CDH18: variants seen among roughly 807,000 people sequenced by gnomAD.
CDH18 encodes the protein cadherin 18.
CDH18 carries 31 observed loss-of-function variants against 67.9 expected under a neutral mutation model. The ratio of observed to expected loss-of-function variants is 0.46; its 90% CI spans 0.34 to 0.62. CDH18 has a LOEUF of 0.62. Among genes scored for constraint, CDH18 ranks in the 20% least tolerant of loss-of-function variants. The probability of loss-of-function intolerance (pLI) is 0.01; values close to 1 mark genes in which losing one functional copy is unlikely to be tolerated. For synonymous variants in CDH18, 362 were observed against 347.2 expected (o/e 1.04, Z -0.48); for missense variants, 890 against 975.5 (o/e 0.91, Z 1.17).
chr5:20,244,863 A>G (rs1743256548), intron 2 of CDH18, among the ~76,000 whole-genome samples: 1 of 152,034 alleles, frequency 6.6e-6, no homozygotes, highest in South Asian at 2.1e-4. Context: ...AAATCAAGGA[A>G]AGAGAGAGAA....
intron 5 of CDH18, among the ~76,000 whole-genome samples, chr5:19,717,263 T>C: frequency 6.6e-6 from 1 of 152,086 alleles, no homozygotes; most frequent in East Asian, 1.9e-4. Flanking sequence ...TTAGATGCAC[T>C]AACAAAAATA....
chr5:20,512,910 G>A (rs1464810982), intron 1 of CDH18, among the ~76,000 whole-genome samples: 1 of 150,370 alleles, frequency 6.7e-6, no homozygotes, highest in African/African-American at 2.4e-5. Context: ...AATCGACTCA[G>A]CTCTGATGCT....
At chr5:19,827,825 A>G (rs1441621259) in intron 3 of CDH18, among the ~76,000 whole-genome samples, 3 of 152,192 alleles carry the variant, frequency 2.0e-5, no homozygotes, top group Non-Finnish European at 2.9e-5. Context: ...CCGAAATAAG[A>G]GCAAACCAAC....
At chr5:19,945,412 T>C (rs1795196120) in intron 2 of CDH18, among the ~76,000 whole-genome samples, 1 of 152,114 alleles carries the variant, frequency 6.6e-6, no homozygotes, top group African/African-American at 2.4e-5. Context: ...GTGAAATCAA[T>C]GACTTAAATA....
chr5:20,308,104 T>TA (rs397881942), intron 1 of CDH18, among the ~76,000 whole-genome samples: 6 of 147,592 alleles, frequency 4.1e-5, no homozygotes, highest in South Asian at 2.1e-4. Flanking sequence ...TTTTTTTTTT[T>TA]ACTGGTTTTC....
chr5:20,361,767 A>T (rs553804592), intron 1 of CDH18, among the ~76,000 whole-genome samples: 1 of 152,254 alleles, frequency 6.6e-6, no homozygotes, highest in Non-Finnish European at 1.5e-5. Context: ...GGTTATTTTC[A>T]TCTAACAACA....
chr5:20,104,412 G>A (rs2150581567), intron 2 of CDH18, among the ~76,000 whole-genome samples: 1 of 152,132 alleles, frequency 6.6e-6, no homozygotes, highest in South Asian at 2.1e-4. Context: ...TAGCATTTTT[G>A]ACCCATGATG....
At chr5:20,464,561 A>G (rs1319737967) in intron 1 of CDH18, among the ~76,000 whole-genome samples, 6 of 152,182 alleles carry the variant, frequency 3.9e-5, no homozygotes, top group Non-Finnish European at 7.3e-5. Flanking sequence ...AATGAAAAAG[A>G]CATAGTGGGA....
At chr5:19,899,612 A>C (rs1353343679) in intron 2 of CDH18, among the ~76,000 whole-genome samples, 2 of 152,134 alleles carry the variant, frequency 1.3e-5, no homozygotes, top group Non-Finnish European at 2.9e-5. Flanking sequence ...TGGACCACAA[A>C]ACTGAAATCA....
chr5:19,906,837 CA>C (rs1561538359), intron 2 of CDH18, among the ~76,000 whole-genome samples: 1 of 151,962 alleles, frequency 6.6e-6, no homozygotes, highest in African/African-American at 2.4e-5. Context: ...CACAACCAAT[CA>C]AGACACAACT....
intron 4 of CDH18, among the ~76,000 whole-genome samples, chr5:19,746,734 C>T (rs1770044845): frequency 6.6e-6 from 1 of 152,108 alleles, no homozygotes; most frequent in Non-Finnish European, 1.5e-5. Context: ...CCTACACTTA[C>T]ATGATTAGAA....
chr5:20,331,705 C>G (rs531970229), intron 1 of CDH18, among the ~76,000 whole-genome samples: 3 of 152,212 alleles, frequency 2.0e-5, no homozygotes, highest in South Asian at 2.1e-4. Flanking sequence ...CCTCCTCCCC[C>G]CAGCTGGAGG....
intron 5 of CDH18, among the ~76,000 whole-genome samples, chr5:19,679,544 C>A (rs1759970313): frequency 6.6e-6 from 1 of 151,790 alleles, no homozygotes; most frequent in African/African-American, 2.4e-5. Context: ...TGATTCTATA[C>A]CTAAAAATCC....
intron 10 of CDH18, among the ~76,000 whole-genome samples, chr5:19,512,440 G>C (rs558497938): frequency 1.3e-5 from 2 of 152,064 alleles, no homozygotes; most frequent in Admixed American, 6.6e-5. Context: ...AAGATCCACT[G>C]AGGCAAAGGA....
chr5:19,526,658 A>G (rs1054882449), intron 9 of CDH18, among the ~76,000 whole-genome samples: 1 of 152,084 alleles, frequency 6.6e-6, no homozygotes, highest in African/African-American at 2.4e-5. Flanking sequence ...TATTATTTAA[A>G]TATGTGCCAC....
rs1452351581 is a variant in CDH18, at chr5:19,857,158, A to C, written c.-256-17916T>G. 2.0e-5 allele frequency among the ~76,000 whole-genome samples: 3 copies of C among 152,148 alleles called. No homozygotes were observed. The East Asian group carries it at 5.8e-4, about 30-fold the overall frequency. On this transcript the variant is annotated intron_variant, in intron 2 of 12. Transcript: ENST00000382275. The stretch of plus-strand genomic sequence containing the variant: ...GGCAGGAGGATCACTTGAGCCCAGG[A>C]CTTTGAGGCTGCAGTGAGCCATGAT...
At chr5:19,922,342 T>G (rs1002305209) in intron 2 of CDH18, among the ~76,000 whole-genome samples, 5 of 152,214 alleles carry the variant, frequency 3.3e-5, no homozygotes, top group Admixed American at 3.3e-4. Flanking sequence ...TTAAATTAGC[T>G]TGAAATTACT....
chr5:20,515,453 C>G (rs1327955289), intron 1 of CDH18, among the ~76,000 whole-genome samples: 1 of 152,024 alleles, frequency 6.6e-6, no homozygotes, highest in African/African-American at 2.4e-5. Context: ...CTCCTAAGTG[C>G]TCTGGTTCCC....
At chr5:20,235,470 T>C (rs1030385942) in intron 2 of CDH18, among the ~76,000 whole-genome samples, 2 of 152,110 alleles carry the variant, frequency 1.3e-5, no homozygotes, top group African/African-American at 4.8e-5. Flanking sequence ...GCCAAGGTCA[T>C]GACAAACACG....
Sources: allele counts gnomAD v4.1 joint callset (sites outside exome capture counted in the v4.1 genomes callset), GRCh38; gene constraint gnomAD v4.1.1; transcripts MANE v1.5; gene names NCBI Gene and HGNC (gene_info 2026-07-23, HGNC 2026-07-21).